The following SCLT1 variants were observed in gnomAD, a reference collection of about 807,000 sequenced individuals.
The protein encoded by SCLT1 is sodium channel-associated protein 1.
A neutral mutation model predicts 112.8 loss-of-function variants in SCLT1; 78 were observed. The observed-to-expected ratio is 0.69, with a 90% CI of 0.58 to 0.83. The LOEUF is 0.83. Ranked by LOEUF, SCLT1 falls within the 40% of genes least tolerant of loss-of-function variation. The pLI is 0.00. For synonymous variants in SCLT1, 257 were observed against 254.7 expected, an observed-to-expected ratio of 1.01 and a Z score of -0.09; for missense variants, 747 against 770.4, an observed-to-expected ratio of 0.97 and a Z score of 0.36.
chr4:129,092,213 C>T (rs922177991), intron 1 of SCLT1, among the ~76,000 whole-genome samples: 1 of 152,184 alleles, frequency 6.6e-6, no homozygotes, highest in Non-Finnish European at 1.5e-5. Context: ...GGCCCTTCAC[C>T]ATCCAGCCCC....
At chr4:129,045,859 C>A (rs1159021229) in intron 2 of SCLT1, among the ~76,000 whole-genome samples, 1 of 151,960 alleles carries the variant, frequency 6.6e-6, no homozygotes, top group African/African-American at 2.4e-5. Flanking sequence ...TGTAAGGGCC[C>A]ATGGGAGGTA....
intron 5 of SCLT1, among the ~76,000 whole-genome samples, chr4:129,032,652 AC>A (rs1263623407): frequency 1.3e-5 from 2 of 152,100 alleles, no homozygotes; most frequent in African/African-American, 4.8e-5. Flanking sequence ...AGAAAAAAAA[AC>A]CCCATCAAAA....
At chr4:129,000,039 TA>T (rs1743338134) in intron 6 of SCLT1, among the ~76,000 whole-genome samples, 1 of 151,960 alleles carries the variant, frequency 6.6e-6, no homozygotes, top group Non-Finnish European at 1.5e-5. Flanking sequence ...TAGCTAAAAT[TA>T]AAATCCTTAA....
chr4:129,002,211 G>A (rs1560949125), intron 6 of SCLT1, among the ~76,000 whole-genome samples: 1 of 151,910 alleles, frequency 6.6e-6, no homozygotes, highest in African/African-American at 2.4e-5. Flanking sequence ...AGGCACAAGA[G>A]TTTTTTTCTA....
intron 17 of SCLT1, among the ~76,000 whole-genome samples, 177 bp from the exon 18 acceptor site, chr4:128,937,028 C>T (rs1042114778): frequency 1.3e-5 from 2 of 152,056 alleles, no homozygotes; most frequent in African/African-American, 4.8e-5. Flanking sequence ...CCTGTAATCC[C>T]AGCACTTTGG....
chr4:128,948,445 T>C (rs2125996906), intron 15 of SCLT1, 51 bp downstream of exon 15: 1 of 1,586,986 alleles, frequency 6.3e-7, no homozygotes, highest in Middle Eastern at 1.7e-4. Context: ...ACAGTAATGT[T>C]GCATATTTGC....
chr4:128,958,790 T>A (rs138053101), intron 12 of SCLT1, among the ~76,000 whole-genome samples: 2 of 152,144 alleles, frequency 1.3e-5, no homozygotes, highest in African/African-American at 4.8e-5. Flanking sequence ...CACCTTAGCA[T>A]CCCCACAGTT....
At chr4:128,987,547 C>T (rs1742206479) in intron 9 of SCLT1, among the ~76,000 whole-genome samples, 1 of 151,810 alleles carries the variant, frequency 6.6e-6, no homozygotes, top group Admixed American at 6.6e-5. Flanking sequence ...TTGAAAAATC[C>T]CATTGAAAAA....
At chr4:128,906,366 T>A (rs190195139) in intron 18 of SCLT1, among the ~76,000 whole-genome samples, 12 of 152,074 alleles carry the variant, frequency 7.9e-5, no homozygotes, top group African/African-American at 2.7e-4. Flanking sequence ...CCTGGCTAAT[T>A]TTTTTCTATT....
intron 5 of SCLT1, among the ~76,000 whole-genome samples, chr4:129,024,371 C>T (rs1292876886): frequency 6.6e-6 from 1 of 152,182 alleles, no homozygotes; most frequent in Non-Finnish European, 1.5e-5. Flanking sequence ...AACGATCAGG[C>T]AGCAGCATTC....
chr4:128,908,742 T>C (rs1000904071), intron 18 of SCLT1, among the ~76,000 whole-genome samples: 2 of 152,160 alleles, frequency 1.3e-5, no homozygotes, highest in Non-Finnish European at 2.9e-5. Context: ...TTCTCACCAA[T>C]GGAGGTAAAA....
Position 128,960,998 on chromosome 4 carries a change from A to AT in SCLT1, c.870-1222dup, listed in dbSNP as rs34829683. Among the ~76,000 whole-genome samples the AT allele has an allele frequency of 1.3e-4, 19 of 146,262 alleles. No homozygotes were observed. The South Asian group carries it at 2.8e-3, about 21-fold the overall frequency. On this transcript the variant is annotated intron_variant, in intron 11 of 20. Coordinates refer to ENST00000281142, the MANE Select transcript of SCLT1 (RefSeq NM_144643.4). ...CCTTAGTCTGTCCTTTATGCTGCAA[A>AT]TTTTTTTTTTTCCAAATCTACTTTT...
At chr4:129,060,714 T>TAGGA (rs1749889097) in intron 2 of SCLT1, among the ~76,000 whole-genome samples, 2 of 152,124 alleles carry the variant, frequency 1.3e-5, no homozygotes, top group South Asian at 4.1e-4. Context: ...CTATATTTAA[T>TAGGA]TTCACCACAA....
chr4:129,066,201 C>T (rs1224995865), intron 2 of SCLT1, among the ~76,000 whole-genome samples: 2 of 151,846 alleles, frequency 1.3e-5, no homozygotes, highest in African/African-American at 4.8e-5. Flanking sequence ...TATTAGAAAA[C>T]ATATAAACCA....
intron 9 of SCLT1, 124 bp downstream of exon 9, chr4:128,992,043 G>A: frequency 3.2e-6 from 2 of 617,486 alleles, no homozygotes; most frequent in Non-Finnish European, 2.9e-6. Flanking sequence ...TACACAAGAA[G>A]ATATTGGCAG....
At chr4:128,975,752 A>G (rs1006143722) in intron 9 of SCLT1, among the ~76,000 whole-genome samples, 3 of 152,232 alleles carry the variant, frequency 2.0e-5, no homozygotes, top group Admixed American at 1.3e-4. Flanking sequence ...TAAAAACTTT[A>G]GAAAATCCTG....
intron 9 of SCLT1, among the ~76,000 whole-genome samples, chr4:128,980,676 A>G (rs1560922633): frequency 6.6e-6 from 1 of 152,202 alleles, no homozygotes; most frequent in Non-Finnish European, 1.5e-5. Context: ...ACTGGTAATA[A>G]AAACAGATTT....
intron 12 of SCLT1, among the ~76,000 whole-genome samples, chr4:128,958,881 T>G (rs758747450): frequency 5.3e-5 from 8 of 152,184 alleles, no homozygotes; most frequent in Non-Finnish European, 1.2e-4. Context: ...TAGAGCTCTC[T>G]TGAAAAATCC....
At chr4:128,952,250 T>G (rs181842980) in intron 14 of SCLT1, 1 of 431,196 alleles carries the variant, frequency 2.3e-6, no homozygotes, top group African/African-American at 2.1e-5. Context: ...TTCTCAATTC[T>G]TGAAAATTGT....
Sources: allele counts gnomAD v4.1 joint callset (sites outside exome capture counted in the v4.1 genomes callset), GRCh38; gene constraint gnomAD v4.1.1; transcripts MANE v1.5; gene names NCBI Gene and HGNC (gene_info 2026-07-23, HGNC 2026-07-21).